OSBPL10: variants seen among roughly 807,000 people sequenced by gnomAD.
OSBPL10 encodes oxysterol binding protein like 10.
Under a neutral mutation model 81.7 loss-of-function variants are expected in OSBPL10, and 49 were observed. The ratio of observed to expected loss-of-function variants is 0.60; its 90% CI spans 0.48 to 0.76. The LOEUF is 0.76. Ranked by LOEUF, OSBPL10 falls within the 30% of genes least tolerant of loss-of-function variation. The pLI, the probability that OSBPL10 is intolerant of heterozygous loss-of-function variation, is 0.00. For synonymous variants in OSBPL10, 419 were observed against 383.6 expected (o/e 1.09, Z -1.08); for missense variants, 923 against 987.8 (o/e 0.93, Z 0.88).
chr3:32,052,567 A>AT (rs200342286), intron 1 of OSBPL10, among the ~76,000 whole-genome samples: 5,947 of 152,318 alleles, frequency 0.039, 318 homozygotes, highest in African/African-American at 0.12. Context: ...ATGCCCATCA[A>AT]GATAGACTAG....
At chr3:31,989,523 C>G in intron 2 of OSBPL10, 7 of 1,614,178 alleles carry the variant, frequency 4.3e-6, no homozygotes, top group Non-Finnish European at 5.9e-6. Flanking sequence ...ATCCTGGAAA[C>G]AAGCCTATCA....
chr3:31,744,474 G>A (rs1169079358), intron 5 of OSBPL10, among the ~76,000 whole-genome samples: 1 of 147,578 alleles, frequency 6.8e-6, no homozygotes, highest in Non-Finnish European at 1.5e-5. Flanking sequence ...GGAAGCGGAG[G>A]TTGCAGTGAG....
At chr3:31,854,067 T>C (rs1700841272) in intron 3 of OSBPL10, among the ~76,000 whole-genome samples, 1 of 152,216 alleles carries the variant, frequency 6.6e-6, no homozygotes, top group Admixed American at 6.5e-5. Context: ...ACAATGTTCA[T>C]CTATCTGTAT....
At chr3:31,692,440 T>C (rs1386758381) in intron 7 of OSBPL10, among the ~76,000 whole-genome samples, 3 of 152,144 alleles carry the variant, frequency 2.0e-5, no homozygotes, top group Non-Finnish European at 4.4e-5. Flanking sequence ...CCAGGGAAGA[T>C]ACGAGCAACA....
chr3:32,031,285 T>C (rs1699465020), intron 2 of OSBPL10, among the ~76,000 whole-genome samples: 1 of 152,204 alleles, frequency 6.6e-6, no homozygotes, highest in South Asian at 2.1e-4. Context: ...TTATCATATT[T>C]GAATCTAAAA....
chr3:31,715,465 C>T (rs1696402624), intron 6 of OSBPL10, among the ~76,000 whole-genome samples: 1 of 152,144 alleles, frequency 6.6e-6, no homozygotes, highest in South Asian at 2.1e-4. Flanking sequence ...CCTCTAAATC[C>T]TATGTGTAAG....
chr3:32,021,491 G>T (rs763044446), intron 2 of OSBPL10, among the ~76,000 whole-genome samples: 3 of 152,056 alleles, frequency 2.0e-5, no homozygotes, highest in Non-Finnish European at 4.4e-5. Context: ...ACTCCCTTAC[G>T]CTCATGAATG....
At chr3:31,677,819 C>A (rs1055955382) in intron 8 of OSBPL10, among the ~76,000 whole-genome samples, 1 of 149,904 alleles carries the variant, frequency 6.7e-6, no homozygotes, top group South Asian at 2.1e-4. Context: ...CGGTGGCTCA[C>A]GCCTGTAATC....
At chr3:31,702,696 A>T (rs1005507607) in intron 6 of OSBPL10, among the ~76,000 whole-genome samples, 188 bp from the exon 7 acceptor site, 11 of 152,220 alleles carry the variant, frequency 7.2e-5, no homozygotes, top group African/African-American at 2.4e-4. Flanking sequence ...TGCCTTGGAC[A>T]CTGCATATCC....
chr3:31,855,310 A>C (rs1385315045), intron 3 of OSBPL10, among the ~76,000 whole-genome samples: 1 of 152,162 alleles, frequency 6.6e-6, no homozygotes, highest in African/African-American at 2.4e-5. Flanking sequence ...TTGAGCCGCC[A>C]TGCTCGGTGA....
At chr3:32,027,411 G>T (rs1277275110) in intron 2 of OSBPL10, among the ~76,000 whole-genome samples, 1 of 152,222 alleles carries the variant, frequency 6.6e-6, no homozygotes, top group Non-Finnish European at 1.5e-5. Context: ...CAGAGAAGGG[G>T]AGAGGAATGG....
chr3:31,779,800 C>A (rs1698641285), intron 4 of OSBPL10, among the ~76,000 whole-genome samples: 3 of 152,116 alleles, frequency 2.0e-5, no homozygotes, highest in Non-Finnish European at 2.9e-5. Context: ...TATGATATAC[C>A]ACAAAACAAG....
At chr3:32,075,946 T>C (rs973941010) in intron 1 of OSBPL10, among the ~76,000 whole-genome samples, 2 of 152,186 alleles carry the variant, frequency 1.3e-5, no homozygotes, top group African/African-American at 4.8e-5. Flanking sequence ...TCAATGTACT[T>C]CGTAATCTCC....
intron 2 of OSBPL10, among the ~76,000 whole-genome samples, chr3:32,003,752 C>T (rs989086720): frequency 5.9e-5 from 9 of 152,120 alleles, no homozygotes; most frequent in Non-Finnish European, 1.2e-4. Context: ...CAGGGCACTG[C>T]AGTGTGTGGT....
chr3:31,770,038 C>T (rs186730150), intron 4 of OSBPL10, among the ~76,000 whole-genome samples: 104 of 152,194 alleles, frequency 6.8e-4, no homozygotes, highest in African/African-American at 2.1e-3. Flanking sequence ...GGAAAGAGTC[C>T]TTGACTTTCA....
chr3:31,867,529 G>A (rs918175377), intron 3 of OSBPL10, among the ~76,000 whole-genome samples: 1 of 152,132 alleles, frequency 6.6e-6, no homozygotes, highest in African/African-American at 2.4e-5. Context: ...ATCACTTGAG[G>A]TCGGAAGTTT....
At chr3:32,059,152 G>A (rs1199211738) in intron 1 of OSBPL10, among the ~76,000 whole-genome samples, 1 of 151,950 alleles carries the variant, frequency 6.6e-6, no homozygotes, top group East Asian at 1.9e-4. Context: ...AAAAATTAGT[G>A]GGGCATGGTG....
At chr3:31,807,486 G>A (rs746587830) in intron 4 of OSBPL10, among the ~76,000 whole-genome samples, 24 of 151,712 alleles carry the variant, frequency 1.6e-4, no homozygotes, top group Non-Finnish European at 2.9e-4. Flanking sequence ...CAAGATGAGG[G>A]CATGGCATGG....
chr3:31,699,868 G>T, intron 7 of OSBPL10, among the ~76,000 whole-genome samples: 1 of 152,212 alleles, frequency 6.6e-6, no homozygotes, highest in East Asian at 1.9e-4. Flanking sequence ...AGGTGAAGAA[G>T]ATTTTCTCTC....
Sources: allele counts gnomAD v4.1 joint callset (sites outside exome capture counted in the v4.1 genomes callset), GRCh38; gene constraint gnomAD v4.1.1; transcripts MANE v1.5; gene names NCBI Gene and HGNC (gene_info 2026-07-23, HGNC 2026-07-21).